STK32B: variants seen among roughly 807,000 people sequenced by gnomAD.
The protein encoded by STK32B is serine/threonine kinase 32B.
A neutral mutation model predicts 52.6 loss-of-function variants in STK32B; 43 were observed. The observed-to-expected ratio is 0.82, with a 90% CI of 0.64 to 1.05. The LOEUF is 1.05. Ranked by LOEUF, STK32B falls within the 50% of genes least tolerant of loss-of-function variation. The probability of loss-of-function intolerance (pLI) is 0.00; values close to 1 mark genes in which losing one functional copy is unlikely to be tolerated. For missense variants in STK32B, 621 were observed against 534.6 expected, an observed-to-expected ratio of 1.16 and a Z score of -1.59; for synonymous variants, 238 against 204.3, an observed-to-expected ratio of 1.17 and a Z score of -1.41.
intron 3 of STK32B, among the ~76,000 whole-genome samples, chr4:5,287,431 C>T (rs1728623153): frequency 6.6e-6 from 1 of 152,082 alleles, no homozygotes; most frequent in Non-Finnish European, 1.5e-5. Context: ...AAAAGAAACT[C>T]TTCAAGCCTT....
chr4:5,491,285 T>C (rs1487274671), intron 11 of STK32B, among the ~76,000 whole-genome samples: 2 of 152,222 alleles, frequency 1.3e-5, no homozygotes, highest in Non-Finnish European at 2.9e-5. Context: ...TGGTGTGAGA[T>C]GGTATCTCAT....
intron 3 of STK32B, among the ~76,000 whole-genome samples, chr4:5,280,983 T>A (rs1728156015): frequency 6.6e-6 from 1 of 152,118 alleles, no homozygotes; most frequent in Admixed American, 6.5e-5. Context: ...ACAGGTTTAA[T>A]TGACTCAGTT....
chr4:5,316,080 T>C (rs1342550786), intron 3 of STK32B, among the ~76,000 whole-genome samples: 1 of 133,722 alleles, frequency 7.5e-6, no homozygotes, highest in African/African-American at 3.1e-5. Flanking sequence ...ATGGAGAATA[T>C]ATATGTGTCT....
At position 5,396,536 on chromosome 4, in the gene STK32B, T is replaced by C. The variant is rs530043624; in HGVS notation, c.435-1671T>C. 3.3e-5 allele frequency among the ~76,000 whole-genome samples: 5 copies of C among 152,156 alleles called. No homozygotes were observed. The highest frequency in any genetic ancestry group is 4.4e-5 in the Non-Finnish European group (3 of 68,036). On this transcript the variant is annotated intron_variant, in intron 4 of 11. Coordinates refer to ENST00000282908, the MANE Select transcript of STK32B (RefSeq NM_018401.3). The surrounding 1 kb of genome is among the most constrained non-coding windows in gnomAD (Gnocchi z 4.7). ...ACCCAGTACGCCAGATCACATCTTCTTGGGTCTGTCACCCCACCCTCACCT... is the reference window on the plus strand; with the variant it reads ...ACCCAGTACGCCAGATCACATCTTCCTGGGTCTGTCACCCCACCCTCACCT...
chr4:5,248,195 C>A (rs551263325), intron 3 of STK32B, among the ~76,000 whole-genome samples: 1 of 152,290 alleles, frequency 6.6e-6, no homozygotes, highest in South Asian at 2.1e-4. Context: ...AGTACCTGCT[C>A]AGTATAACAC....
rs1717726334 is a variant in STK32B, at chr4:5,469,957, A to G, written c.1106+1887A>G. Among the ~76,000 whole-genome samples the G allele has an allele frequency of 6.6e-6, 1 of 152,146 alleles. No homozygotes were observed. Among genetic ancestry groups the G allele is most frequent in the Non-Finnish European group, 1.5e-5 (1 of 68,022 alleles). ...AGCATCAGTGATCTTGGGCTCAGGC[A>G]GCCTTCATTCTCTGTGTGTGGGCCG... On this transcript the variant is annotated intron_variant, in intron 11 of 11. Coordinates refer to ENST00000282908, the MANE Select transcript of STK32B (RefSeq NM_018401.3). This position sits in a 1 kb window ranked among gnomAD's most constrained non-coding sequence, Gnocchi z 4.7.
At chr4:5,438,930 A>G (rs908923469) in intron 6 of STK32B, among the ~76,000 whole-genome samples, 3 of 151,586 alleles carry the variant, frequency 2.0e-5, no homozygotes, top group Non-Finnish European at 2.9e-5. Context: ...AAGGACATGA[A>G]CTCATCATTT....
intron 3 of STK32B, among the ~76,000 whole-genome samples, chr4:5,256,629 A>G (rs1365879078): frequency 6.6e-6 from 1 of 152,182 alleles, no homozygotes; most frequent in African/African-American, 2.4e-5. Flanking sequence ...CTGCTTTTCT[A>G]GCCTTAAGGC....
chr4:5,420,814 T>C (rs1712566910), intron 6 of STK32B, among the ~76,000 whole-genome samples: 2 of 152,196 alleles, frequency 1.3e-5, no homozygotes, highest in Non-Finnish European at 2.9e-5. Context: ...TCTGACTGCT[T>C]TCATGCTGTT....
chr4:5,366,806 T>C (rs1264490002), intron 4 of STK32B, among the ~76,000 whole-genome samples: 1 of 152,324 alleles, frequency 6.6e-6, no homozygotes, highest in East Asian at 1.9e-4. Context: ...ATATCAGTAG[T>C]GGCCCTGATG....
chr4:5,279,275 C>G (rs1728040629), intron 3 of STK32B, among the ~76,000 whole-genome samples: 1 of 152,168 alleles, frequency 6.6e-6, no homozygotes, highest in African/African-American at 2.4e-5. Context: ...GTAAATGCCC[C>G]TATTCCAAAA....
At chr4:5,318,554 G>T (rs994190778) in intron 3 of STK32B, among the ~76,000 whole-genome samples, 15 of 152,240 alleles carry the variant, frequency 9.9e-5, no homozygotes, top group African/African-American at 3.6e-4. Flanking sequence ...AAGGGATCCT[G>T]AATTTATTCC....
intron 3 of STK32B, among the ~76,000 whole-genome samples, chr4:5,303,962 T>G (rs1051494768): frequency 6.6e-6 from 1 of 152,088 alleles, no homozygotes; most frequent in African/African-American, 2.4e-5. Flanking sequence ...TGGTTTTGTT[T>G]GCCTTGTCAA....
intron 2 of STK32B, among the ~76,000 whole-genome samples, chr4:5,162,832 C>A (rs1381658704): frequency 1.3e-5 from 2 of 152,190 alleles, no homozygotes; most frequent in African/African-American, 4.8e-5. Context: ...TTCCCAGGAC[C>A]TGGATAGAGT....
rs1301623897 is a variant in STK32B, at chr4:5,362,610, TA to T, written c.434+31218del. Among the ~76,000 whole-genome samples the T allele has an allele frequency of 3.3e-5, 5 of 152,332 alleles. No homozygotes were observed. In the East Asian group the frequency reaches 9.6e-4, roughly 29 times the overall value. On this transcript the variant is annotated intron_variant, in intron 4 of 11. Transcript: ENST00000282908. ...GCAGCCAGGTCCCTGCAGTGGAAAC[TA>T]GACCTTCAGAAGACCTGCTTGGTGA...
At chr4:5,118,609 A>G (rs1714865365) in intron 1 of STK32B, among the ~76,000 whole-genome samples, 1 of 152,144 alleles carries the variant, frequency 6.6e-6, no homozygotes, top group Admixed American at 6.5e-5. Flanking sequence ...CCTCCTTTGC[A>G]TGACTCGCTG....
Position 5,273,995 on chromosome 4 carries a change from A to G in STK32B, c.261-57225A>G, listed in dbSNP as rs546644829. Among the ~76,000 whole-genome samples the G allele has an allele frequency of 2.0e-5, 3 of 152,092 alleles. No individual in the cohort carries two copies. The East Asian group carries it at 5.8e-4, about 29-fold the overall frequency. On this transcript the variant is annotated intron_variant, in intron 3 of 11. Transcript: ENST00000282908. ...ACCCTAAAACTTAAAGTATAATAAA[A>G]AAAAAGAAACAAAAAAACAAAACAA...
At chr4:5,054,417 G>T (rs987110249) in intron 1 of STK32B, among the ~76,000 whole-genome samples, 1 of 151,732 alleles carries the variant, frequency 6.6e-6, no homozygotes. Context: ...GGAGTTACCT[G>T]GGGGGAAGAA....
intron 3 of STK32B, among the ~76,000 whole-genome samples, chr4:5,186,808 C>T (rs1720777757): frequency 6.6e-6 from 1 of 152,208 alleles, no homozygotes; most frequent in African/African-American, 2.4e-5. Context: ...TCATTCTTGA[C>T]TGTTCCAGCA....
Sources: gnomAD v4.1 joint callset for allele counts (sites outside exome capture counted in the v4.1 genomes callset) on GRCh38, gnomAD v4.1.1 for gene constraint, Gnocchi (gnomAD v3.1) non-coding constraint, MANE v1.5 for transcripts, NCBI Gene and HGNC (gene_info 2026-07-23, HGNC 2026-07-21) for gene names.